Variants in CCDC136 observed in about 807,000 individuals in gnomAD.
CCDC136 encodes the protein coiled-coil domain-containing protein 136.
A neutral mutation model predicts 141.2 loss-of-function variants in CCDC136; 100 were observed. The observed-to-expected ratio is 0.71, with a 90% CI of 0.60 to 0.84. The LOEUF (loss-of-function observed/expected upper bound fraction) is 0.84. Among genes scored for constraint, CCDC136 ranks in the 40% least tolerant of loss-of-function variants. CCDC136 has a pLI of 0.00. For synonymous variants in CCDC136, 474 were observed against 531.9 expected, an observed-to-expected ratio of 0.89 and a Z score of 1.50; for missense variants, 1,206 against 1,379.4, an observed-to-expected ratio of 0.87 and a Z score of 1.99.
chr7:128,806,444 T>G, intron 8 of CCDC136, 49 bp downstream of exon 8: 1 of 1,514,804 alleles, frequency 6.6e-7, no homozygotes, highest in Non-Finnish European at 8.9e-7. Context: ...AAGGGCATCC[T>G]TCTGAGGTTT....
intron 1 of CCDC136, among the ~76,000 whole-genome samples, chr7:128,793,126 A>G (rs578100878): frequency 1.3e-5 from 2 of 152,388 alleles, no homozygotes; most frequent in South Asian, 4.1e-4. Flanking sequence ...GATATTAGAT[A>G]AAGTAAGACC....
Position 128,791,976 on chromosome 7 carries a change from G to A in CCDC136, c.-436G>A. 1 of 1,154,576 alleles carries A rather than the reference G, an allele frequency of 8.7e-7. No homozygotes were observed. The highest frequency in any genetic ancestry group is 1.1e-6 in the Non-Finnish European group (1 of 935,956). 71.5% of individuals were successfully genotyped at this position (1,154,576 alleles called of 1,614,324 possible). A position where few individuals can be genotyped will look rare whatever the true frequency, so the allele number is the denominator to read the frequency against. ...CCCCCACTCCTCCCTCCCTCCATCT[G>A]TAGGCCACCTCAGCCTTTCAGCCTC... is the stretch of plus-strand genomic sequence containing the variant. On this transcript the variant is annotated 5_prime_UTR_variant, in exon 1 of 18. Transcript: ENST00000297788. The surrounding 1 kb of genome is among the most constrained non-coding windows in gnomAD (Gnocchi z 7.1).
At chr7:128,797,141 G>A (rs1290371694) in intron 3 of CCDC136, among the ~76,000 whole-genome samples, 2 of 152,192 alleles carry the variant, frequency 1.3e-5, no homozygotes, top group African/African-American at 4.8e-5. Context: ...AAAATTGATG[G>A]AAGGTGGTGA....
chr7:128,818,146 G>C, intron 17 of CCDC136: 2 of 373,374 alleles, frequency 5.4e-6, no homozygotes, highest in Middle Eastern at 1.6e-3. Context: ...AGCCCAGCTT[G>C]GTTGCTGCTG....
At chr7:128,803,172 T>C (rs1804298227) in intron 4 of CCDC136, among the ~76,000 whole-genome samples, 1 of 152,222 alleles carries the variant, frequency 6.6e-6, no homozygotes, top group African/African-American at 2.4e-5. Flanking sequence ...ATAATTCTTT[T>C]TCAATTTTTT....
intron 12 of CCDC136, 93 bp downstream of exon 12, chr7:128,810,459 C>T (rs992619189): frequency 1.6e-5 from 14 of 881,068 alleles, no homozygotes; most frequent in Middle Eastern, 2.2e-4. Flanking sequence ...GTTGGGAAGG[C>T]GTGTTTGGCC....
intron 4 of CCDC136, among the ~76,000 whole-genome samples, chr7:128,803,081 A>T (rs1435022624): frequency 1.3e-5 from 2 of 152,282 alleles, no homozygotes; most frequent in Non-Finnish European, 2.9e-5. Flanking sequence ...TGAATCTTCC[A>T]GCAGGTAAGA....
intron 10 of CCDC136, chr7:128,808,548 G>T: frequency 1.0e-6 from 1 of 985,386 alleles, no homozygotes; most frequent in Non-Finnish European, 1.2e-6. Flanking sequence ...ATGGAAAGGT[G>T]TTGAAGCATG....
At chr7:128,796,739 A>AT (rs1554377202) in intron 3 of CCDC136, among the ~76,000 whole-genome samples, 60 of 113,384 alleles carry the variant, frequency 5.3e-4, no homozygotes, top group African/African-American at 2.5e-3. Flanking sequence ...ATATATATAT[A>AT]TTCTTTTTTT....
In CCDC136 at chr7:128,809,423, CCCCTCCACA is replaced by C; in HGVS notation, c.1606-23_1606-15del. The stretch of plus-strand genomic sequence containing the variant: ...GAAGCTTACCTTACAGAGTAACCAC[CCCCTCCACA>C]CCCGCCCCCACCCACAGTGTGACAC... On this transcript the variant is annotated intron_variant, in intron 10 of 17. Coordinates refer to ENST00000297788, the MANE Select transcript of CCDC136 (RefSeq NM_022742.5). 7.0e-7 allele frequency: 1 copy of C among 1,435,128 alleles called. No individual in the cohort carries two copies. Among genetic ancestry groups the C allele is most frequent in the Non-Finnish European group, 9.5e-7 (1 of 1,048,076 alleles). The allele number at this position is 1,435,128 out of a possible 1,614,324, so 88.9% of individuals were successfully genotyped here.
In CCDC136 at chr7:128,811,814, C is replaced by T. The variant is rs1404652942; in HGVS notation, c.2043C>T (p.Leu681=). Residue 681 remains leucine (L), a synonymous_variant, in exon 13 of 18, where the codon CTC becomes CTT. Transcript: ENST00000297788. The part of the protein sequence containing the change: ...KCNRNKQSKL[L]MEQMQALQVM... ...CCTGCCCCCAGCAATCCAAGCTGCT[C>T]ATGGAGCAGATGCAGGCCCTGCAGG... The T allele has an allele frequency of 6.3e-7, 1 of 1,583,480 alleles. No homozygotes were observed. Among genetic ancestry groups the T allele is most frequent in the Non-Finnish European group, 8.6e-7 (1 of 1,167,504 alleles).
chr7:128,791,218 G>C (rs1802120925), upstream of CCDC136, among the ~76,000 whole-genome samples: 1 of 152,206 alleles, frequency 6.6e-6, no homozygotes, highest in South Asian at 2.1e-4. This position sits in a 1 kb window ranked among gnomAD's most constrained non-coding sequence, Gnocchi z 7.1. Flanking sequence ...GACGCTGTCC[G>C]GGCCCCGCGG....
Position 128,814,827 on chromosome 7 carries a change from A to G in CCDC136, c.2953A>G (p.Lys985Glu). Residue 985 changes from lysine to glutamate, a missense_variant, in exon 15 of 18, where the codon AAG becomes GAG. Lys to Glu is a moderately conservative substitution (Grantham distance 56). Transcript: ENST00000297788. Reference protein sequence around the residue: ...VKEARGKNANKNMNKNANGVK... With the variant: ...VKEARGKNANENMNKNANGVK... ...AGAAGCCCGGGGGAAGAATGCTAAT[A>G]AGAACATGAACAAGAATGCCAATGG... The G allele has an allele frequency of 6.2e-7, 1 of 1,611,270 alleles. No homozygotes were observed.
intron 3 of CCDC136, among the ~76,000 whole-genome samples, chr7:128,795,043 C>T (rs1350852086): frequency 6.6e-6 from 1 of 152,132 alleles, no homozygotes; most frequent in Non-Finnish European, 1.5e-5. Context: ...TGGGCTCTTT[C>T]CTCTTGCCCC....
Position 128,814,871 on chromosome 7 carries a change from G to T in CCDC136, c.2997G>T (p.Val999=). 6.2e-7 allele frequency: 1 copy of T among 1,607,344 alleles called. No homozygotes were observed. The highest frequency in any genetic ancestry group is 1.7e-5 in the Admixed American group (1 of 59,038). The change falls in exon 15 of 18, where the codon GTG becomes GTT. Residue 999 remains valine, a synonymous_variant. Transcript: ENST00000297788. ...KNANGVKMKK[V]TKPCSDTSES... ...CCAATGGGGTTAAAATGAAAAAGGT[G>T]ACCAAGCCATGCTCGGATACTTCTG...
upstream of CCDC136, chr7:128,791,512 G>C (rs1254540979): frequency 7.7e-7 from 1 of 1,295,754 alleles, no homozygotes; most frequent in Non-Finnish European, 9.7e-7. The surrounding 1 kb of genome is among the most constrained non-coding windows in gnomAD (Gnocchi z 7.1). Context: ...GGGCGCCGGA[G>C]CCGGCGCGGG....
Position 128,822,036 on chromosome 7 carries a change from C to T in CCDC136, c.*243C>T. On this transcript the variant is annotated 3_prime_UTR_variant, in exon 18 of 18. Transcript: ENST00000297788. ...TCCCCATCTCCTCAGCCTCAGTCACCCAGGCTGAAAAGGCTTGTGGGGAGC... is the reference window on the plus strand; with the variant it reads ...TCCCCATCTCCTCAGCCTCAGTCACTCAGGCTGAAAAGGCTTGTGGGGAGC... 1.6e-6 allele frequency: 2 copies of T among 1,212,250 alleles called. No homozygotes were observed. The highest frequency in any genetic ancestry group is 2.1e-6 in the Non-Finnish European group (2 of 948,918). 75.1% of individuals were successfully genotyped at this position (1,212,250 alleles called of 1,614,324 possible).
At chr7:128,791,473 AAGG>A, upstream of CCDC136, 1 of 1,318,970 alleles carries the variant, frequency 7.6e-7, no homozygotes, top group Non-Finnish European at 9.6e-7. The surrounding 1 kb of genome is among the most constrained non-coding windows in gnomAD (Gnocchi z 7.1). Flanking sequence ...AGGGAGGCGG[AAGG>A]CGGCGGCGGG....
At chr7:128,813,797 T>G (rs56216811) in intron 14 of CCDC136, among the ~76,000 whole-genome samples, 1 of 151,866 alleles carries the variant, frequency 6.6e-6, no homozygotes, top group South Asian at 2.1e-4. Flanking sequence ...CCTGGCCAAC[T>G]TGGAGAAACC....
Sources: allele counts gnomAD v4.1 joint callset (sites outside exome capture counted in the v4.1 genomes callset), GRCh38; gene constraint gnomAD v4.1.1; non-coding constraint Gnocchi (gnomAD v3.1); transcripts MANE v1.5; gene names NCBI Gene and HGNC (gene_info 2026-07-23, HGNC 2026-07-21).